The following CSNK1G1 variants were observed in gnomAD, a reference collection of about 807,000 sequenced individuals.
CSNK1G1 encodes the protein casein kinase 1 gamma 1.
In CSNK1G1, 22 loss-of-function variants were observed where a neutral mutation model predicts 59.6. The observed-to-expected ratio is 0.37, with a 90% CI of 0.26 to 0.53. CSNK1G1 has a LOEUF of 0.53. Among genes scored for constraint, CSNK1G1 ranks in the 20% least tolerant of loss-of-function variants. CSNK1G1 has a pLI of 0.89. For missense variants in CSNK1G1, 384 were observed against 519.5 expected, an observed-to-expected ratio of 0.74 and a Z score of 2.54; for synonymous variants, 179 against 177.1, an observed-to-expected ratio of 1.01 and a Z score of -0.08.
chr15:64,268,244 A>T (rs1314049348), intron 2 of CSNK1G1, among the ~76,000 whole-genome samples: 2 of 152,214 alleles, frequency 1.3e-5, no homozygotes, highest in African/African-American at 4.8e-5. Context: ...ATCCTGCATC[A>T]TCTCACTTAT....
chr15:64,215,651 T>C (rs529117985), intron 5 of CSNK1G1, among the ~76,000 whole-genome samples: 2 of 152,330 alleles, frequency 1.3e-5, no homozygotes, highest in Non-Finnish European at 2.9e-5. Flanking sequence ...CAAATGAAGA[T>C]ATATTTGCAT....
intron 1 of CSNK1G1, among the ~76,000 whole-genome samples, chr15:64,304,873 G>A (rs1895580992): frequency 6.6e-6 from 1 of 152,124 alleles, no homozygotes; most frequent in African/African-American, 2.4e-5. Context: ...TATGGTAAGT[G>A]TATGAGAAAC....
chr15:64,301,780 G>A (rs981654432), intron 1 of CSNK1G1, among the ~76,000 whole-genome samples: 13 of 151,982 alleles, frequency 8.6e-5, no homozygotes, highest in African/African-American at 2.7e-4. Context: ...CCAGCTACTC[G>A]GGAGGCTGAG....
intron 1 of CSNK1G1, among the ~76,000 whole-genome samples, chr15:64,324,825 T>C (rs1896760574): frequency 6.6e-6 from 1 of 152,218 alleles, no homozygotes; most frequent in East Asian, 1.9e-4. Context: ...ATTTCTTTAA[T>C]GGTTCTTAAG....
Position 64,307,246 on chromosome 15 carries a change from GGGGGATATA to G in CSNK1G1, c.-224-6532_-224-6524del, listed in dbSNP as rs577807203. On this transcript the variant is annotated intron_variant, in intron 1 of 11. Coordinates refer to ENST00000303052, the MANE Select transcript of CSNK1G1 (RefSeq NM_022048.5). ...GGGAAAACGGGGGTGGAGGAGTGTT[GGGGGATATA>G]GGGGAACTCTGTACTCTCCACTCCA... is the stretch of plus-strand genomic sequence containing the variant. 1.7e-3 allele frequency among the ~76,000 whole-genome samples: 266 copies of G among 152,094 alleles called. 1 individual carries two copies. The highest frequency in any genetic ancestry group is 3.0e-3 in the Non-Finnish European group (207 of 67,966).
At chr15:64,196,446 T>A (rs1338727680) in intron 10 of CSNK1G1, among the ~76,000 whole-genome samples, 1 of 151,616 alleles carries the variant, frequency 6.6e-6, no homozygotes, top group Non-Finnish European at 1.5e-5. Context: ...ACTAATAAGA[T>A]CACCTGAACT....
At chr15:64,293,848 A>T (rs1894869891) in intron 2 of CSNK1G1, among the ~76,000 whole-genome samples, 2 of 151,914 alleles carry the variant, frequency 1.3e-5, no homozygotes. Context: ...TTCATCCTGA[A>T]ACCATCCTCC....
At chr15:64,213,164 C>A (rs574360801) in intron 6 of CSNK1G1, among the ~76,000 whole-genome samples, 1 of 151,914 alleles carries the variant, frequency 6.6e-6, no homozygotes, top group East Asian at 1.9e-4. Flanking sequence ...TTTCAATCAC[C>A]TAGGAGTCTT....
intron 2 of CSNK1G1, among the ~76,000 whole-genome samples, chr15:64,274,461 T>C (rs1289585892): frequency 6.6e-6 from 1 of 152,198 alleles, no homozygotes; most frequent in Admixed American, 6.5e-5. Flanking sequence ...AGGAAAGCCA[T>C]TTAATGGACA....
At chr15:64,335,711 T>C (rs1013053272) in intron 1 of CSNK1G1, 22 of 152,232 alleles carry the variant, frequency 1.4e-4, no homozygotes, top group African/African-American at 4.8e-4. Context: ...CTAATGTTGA[T>C]GGAAACAATT....
chr15:64,306,061 A>C (rs1895670611), intron 1 of CSNK1G1, among the ~76,000 whole-genome samples: 1 of 152,230 alleles, frequency 6.6e-6, no homozygotes, highest in African/African-American at 2.4e-5. Context: ...ATAGGAAAAA[A>C]TCTAAATGAC....
chr15:64,303,299 TA>T (rs58473266), intron 1 of CSNK1G1, among the ~76,000 whole-genome samples: 120,918 of 142,618 alleles, frequency 0.85, 52,616 homozygotes, highest in Non-Finnish European at 0.94. Context: ...AAAATTAAAT[TA>T]AAAAAAAAAA....
chr15:64,287,440 T>C (rs979068969), intron 2 of CSNK1G1, among the ~76,000 whole-genome samples: 8 of 152,192 alleles, frequency 5.3e-5, no homozygotes. Flanking sequence ...AAATCTAAAA[T>C]TGTACAGTAG....
intron 11 of CSNK1G1, among the ~76,000 whole-genome samples, chr15:64,178,327 C>T (rs1166528575): frequency 6.6e-6 from 1 of 152,102 alleles, no homozygotes; most frequent in Non-Finnish European, 1.5e-5. Context: ...AACCCTCACC[C>T]CCTTATATAT....
intron 1 of CSNK1G1, among the ~76,000 whole-genome samples, chr15:64,317,937 C>T (rs1896360752): frequency 1.3e-5 from 2 of 152,114 alleles, no homozygotes. Flanking sequence ...ACTCATTTCA[C>T]CTGACAAAGA....
chr15:64,290,473 TCAGAAA>T (rs1453685499), intron 2 of CSNK1G1, among the ~76,000 whole-genome samples: 2 of 151,922 alleles, frequency 1.3e-5, no homozygotes, highest in South Asian at 2.1e-4. Context: ...GTGAAACAAC[TCAGAAA>T]CAGAAAATCA....
At chr15:64,262,585 C>T (rs1031349782) in intron 2 of CSNK1G1, among the ~76,000 whole-genome samples, 1 of 152,124 alleles carries the variant, frequency 6.6e-6, no homozygotes, top group Non-Finnish European at 1.5e-5. Flanking sequence ...TGAATAATAT[C>T]CAATGCCAGG....
At chr15:64,334,989 GT>G (rs1327715243) in intron 1 of CSNK1G1, among the ~76,000 whole-genome samples, 4 of 152,162 alleles carry the variant, frequency 2.6e-5, no homozygotes, top group Admixed American at 2.0e-4. Flanking sequence ...TCCATTTTTG[GT>G]TTCCCTAATA....
At chr15:64,297,827 C>T (rs549911684) in intron 2 of CSNK1G1, among the ~76,000 whole-genome samples, 9 of 152,240 alleles carry the variant, frequency 5.9e-5, no homozygotes, top group African/African-American at 1.4e-4. Context: ...CTGCACCTGC[C>T]TTGACTTTGG....
Sources: allele counts gnomAD v4.1 joint callset (sites outside exome capture counted in the v4.1 genomes callset), GRCh38; gene constraint gnomAD v4.1.1; transcripts MANE v1.5; gene names NCBI Gene and HGNC (gene_info 2026-07-23, HGNC 2026-07-21).